Variants in MTMR11 observed in about 807,000 individuals in gnomAD.
MTMR11 encodes the protein myotubularin related protein 11.
A neutral mutation model predicts 100.0 loss-of-function variants in MTMR11; 89 were observed. The observed-to-expected ratio is 0.89, with a 90% CI of 0.75 to 1.06. MTMR11 has a LOEUF of 1.06. MTMR11 is among the 50% of genes least tolerant of loss of function. The pLI is 0.00. For synonymous variants in MTMR11, 336 were observed against 326.3 expected (o/e 1.03, Z -0.32); for missense variants, 809 against 873.7 (o/e 0.93, Z 0.93).
chr1:149,934,096 GA>G, intron 7 of MTMR11, 94 bp downstream of exon 7: 1 of 1,587,252 alleles, frequency 6.3e-7, no homozygotes, highest in Non-Finnish European at 8.6e-7. Context: ...GGTGTCCTAG[GA>G]GGCTGGAGTT....
At position 149,935,115 on chromosome 1, in the gene MTMR11, G is replaced by C; in HGVS notation, c.339C>G (p.Ser113=). The change falls in exon 5 of 17, where the codon TCC becomes TCG. Residue 113 remains serine, a synonymous_variant. Transcript: ENST00000439741. The part of the protein sequence containing the change: ...IGRLEAVSGL[S]RVQLLRPGSL... ...ACCCTGGACGGAGGAGCTGGACTCG[G>C]GACAAGCCGCTCACTGAAGTCAAGA... 1 of 1,614,112 alleles carries C rather than the reference G, an allele frequency of 6.2e-7. No homozygotes were observed. The highest frequency in any genetic ancestry group is 8.5e-7 in the Non-Finnish European group (1 of 1,180,004).
rs587680575 is a variant in MTMR11, at chr1:149,936,660, A to T, written c.-13T>A. The T allele has an allele frequency of 6.6e-7, 1 of 1,526,064 alleles. No individual in the cohort carries two copies. The highest frequency in any genetic ancestry group is 2.5e-5 in the East Asian group (1 of 40,716). The allele number at this position is 1,526,064 out of a possible 1,614,324, so 94.5% of individuals were successfully genotyped here. A position where few individuals can be genotyped will look rare whatever the true frequency, so the allele number is the denominator to read the frequency against. On this transcript the variant is annotated 5_prime_UTR_variant, in exon 1 of 17. An upstream start codon of the reference 5' UTR is lost. Transcript: ENST00000439741. ...CCCCCCACCACATTTCTCTGGCTCCATCCGGGGACACAGCAGTTAAGGGTG... is the reference window on the plus strand; with the variant it reads ...CCCCCCACCACATTTCTCTGGCTCCTTCCGGGGACACAGCAGTTAAGGGTG...
Position 149,936,704 on chromosome 1 carries a change from C to T in MTMR11, c.-57G>A. 2 of 1,186,178 alleles carry T rather than the reference C, an allele frequency of 1.7e-6. No homozygotes were observed. Among genetic ancestry groups the T allele is most frequent in the South Asian group, 2.6e-5 (2 of 76,990 alleles). The allele number at this position is 1,186,178 out of a possible 1,614,324, so 73.5% of individuals were successfully genotyped here. ...AAGGGTGGGAAACCTCAAGGATGCT[C>T]ACCCACCTCGGGGAGAGGCTGAGTC... is the stretch of plus-strand genomic sequence containing the variant. On this transcript the variant is annotated 5_prime_UTR_variant, in exon 1 of 17. Coordinates refer to ENST00000439741, the MANE Select transcript of MTMR11 (RefSeq NM_001145862.2).
At position 149,929,713 on chromosome 1, in the gene MTMR11, A is replaced by G. The variant is rs1486577949; in HGVS notation, c.1851T>C (p.Pro617=). The G allele has an allele frequency of 2.5e-6, 4 of 1,614,030 alleles. No individual in the cohort carries two copies. Among genetic ancestry groups the G allele is most frequent in the Non-Finnish European group, 3.4e-6 (4 of 1,180,020 alleles). Residue 617 remains proline (P), a synonymous_variant, in exon 16 of 17, where the codon CCT becomes CCC. Transcript: ENST00000439741. The stretch of plus-strand genomic sequence containing the variant: ...CAGGCAGCAGCAGCCCTGGAGGTAA[A>G]GGGCAAGCTCCCCAATGTGAGGGGA... ...WGLPSHWGAC[P]LPPGLLLPGY...
chr1:149,936,670 A>G lies in MTMR11; in HGVS notation c.-23T>C. 3 of 1,506,104 alleles carry G rather than the reference A, an allele frequency of 2.0e-6. No homozygotes were observed. The highest frequency in any genetic ancestry group is 2.7e-6 in the Non-Finnish European group (3 of 1,105,676). The allele number at this position is 1,506,104 out of a possible 1,614,324, so 93.3% of individuals were successfully genotyped here. A position where few individuals can be genotyped will look rare whatever the true frequency, so the allele number is the denominator to read the frequency against. ...CATTTCTCTGGCTCCATCCGGGGAC[A>G]CAGCAGTTAAGGGTGGGAAACCTCA... On this transcript the variant is annotated 5_prime_UTR_variant, in exon 1 of 17. Coordinates refer to ENST00000439741, the MANE Select transcript of MTMR11 (RefSeq NM_001145862.2).
At position 149,931,054 on chromosome 1, in the gene MTMR11, TA is replaced by T. The variant is rs1400398749; in HGVS notation, c.1291-90del. 3 of 1,390,802 alleles carry T rather than the reference TA, an allele frequency of 2.2e-6. No homozygotes were observed. The African/African-American group carries it at 4.4e-5, about 20-fold the overall frequency. The allele number at this position is 1,390,802 out of a possible 1,614,324, so 86.2% of individuals were successfully genotyped here. On this transcript the variant is annotated intron_variant, in intron 13 of 16. Transcript: ENST00000439741. ...ATAAGGGAATGGGGAACACAGGGAA[TA>T]GGGGGAACTTATGGAAGTCAGGGAA... is the stretch of plus-strand genomic sequence containing the variant.
At position 149,929,928 on chromosome 1, in the gene MTMR11, A is replaced by G; in HGVS notation, c.1648-12T>C. ...ACCATGAAGCTTGGCTAAAAGGAAA[A>G]GAAAATCAACTGGCAACAGAGAGAC... On this transcript the variant is annotated splice_polypyrimidine_tract_variant and intron_variant, in intron 15 of 16. Transcript: ENST00000439741. 6.2e-7 allele frequency: 1 copy of G among 1,603,048 alleles called. No homozygotes were observed. Among genetic ancestry groups the G allele is most frequent in the Non-Finnish European group, 8.5e-7 (1 of 1,173,818 alleles).
In MTMR11 at chr1:149,931,961, C is replaced by G. The variant is rs145612932; in HGVS notation, c.1106G>C (p.Arg369Pro). 6.2e-7 allele frequency: 1 copy of G among 1,613,610 alleles called. No homozygotes were observed. Among genetic ancestry groups the G allele is most frequent in the East Asian group, 2.2e-5 (1 of 44,870 alleles). Reference protein sequence around the residue: ...DISVLVTSRVRSVILQERGDR... With the variant: ...DISVLVTSRVPSVILQERGDR... The stretch of plus-strand genomic sequence containing the variant: ...GAACTCACCTTGAAGTATTACAGAA[C>G]GAACCCTGGATGTCACTAATACTGA... Residue 369 changes from arginine (R) to proline (P), a missense_variant, in exon 12 of 17, where the codon CGT becomes CCT. Physicochemically the swap from Arg to Pro is moderately radical, Grantham distance 103. Transcript: ENST00000439741.
rs782543845 is a variant in MTMR11 at position 149,936,243 on chromosome 1, G to T, written c.67-14C>A. 6.2e-6 allele frequency: 10 copies of T among 1,612,576 alleles called. No individual in the cohort carries two copies. In the South Asian group the frequency reaches 1.1e-4, roughly 18 times the overall value. On this transcript the variant is annotated splice_polypyrimidine_tract_variant and intron_variant, in intron 1 of 16. Coordinates refer to ENST00000439741, the MANE Select transcript of MTMR11 (RefSeq NM_001145862.2). The stretch of plus-strand genomic sequence containing the variant: ...TTCCTGGACAGACTTTGGTCCAGAG[G>T]GTTGAGGGGGGTCTAGAGTTAACCC...
intron 12 of MTMR11, 131 bp downstream of exon 12, chr1:149,931,813 G>A: frequency 1.3e-6 from 1 of 773,770 alleles, no homozygotes; most frequent in Non-Finnish European, 2.2e-6. Flanking sequence ...AAGGATGAGA[G>A]TAGAGCTCGC....
At position 149,930,532 on chromosome 1, in the gene MTMR11, G is replaced by A. The variant is rs782116339; in HGVS notation, c.1480C>T (p.Gln494Ter). ...KQSGQLNSYT[Q>*]VYTPGYSQPP... ...TGGGAGTATCCTGGGGTGTAGACTT[G>A]TGTATAGGAGTTTAACTGGACAGAG... Residue 494 changes from glutamine to a stop codon, truncating the protein, a stop_gained, in exon 15 of 17, where the codon CAA becomes TAA. Coordinates refer to ENST00000439741, the MANE Select transcript of MTMR11 (RefSeq NM_001145862.2). LOFTEE classifies it high-confidence loss of function. 1.9e-6 allele frequency: 3 copies of A among 1,612,508 alleles called. No individual in the cohort carries two copies. The highest frequency in any genetic ancestry group is 2.2e-5 in the South Asian group (2 of 90,970).
chr1:149,935,273 C>T (rs781839994), intron 4 of MTMR11, 26 bp downstream of exon 4: 1 of 1,609,988 alleles, frequency 6.2e-7, no homozygotes, highest in Non-Finnish European at 8.5e-7. Context: ...CAGTGAACCC[C>T]TTCACCAAAC....
intron 5 of MTMR11, 89 bp from the exon 6 acceptor site, chr1:149,934,615 T>C: frequency 7.4e-7 from 1 of 1,348,620 alleles, no homozygotes; most frequent in Non-Finnish European, 1.0e-6. Flanking sequence ...CCACTCTCTT[T>C]GCCAAGAATG....
In MTMR11 at chr1:149,935,620, C is replaced by T; in HGVS notation, c.228G>A (p.Arg76=). 6.2e-7 allele frequency: 1 copy of T among 1,614,070 alleles called. No individual in the cohort carries two copies. The highest frequency in any genetic ancestry group is 8.5e-7 in the Non-Finnish European group (1 of 1,179,986). The change falls in exon 3 of 17, where the codon AGG becomes AGA. Residue 76 remains arginine, a synonymous_variant. Coordinates refer to ENST00000439741, the MANE Select transcript of MTMR11 (RefSeq NM_001145862.2). ...LSGTLICTNF[R]VTFQPCGWQW... ...GCCATCCACAGGGCTGGAAGGTGAC[C>T]CTAAAGTTGGTACAGATCAGGGTTC...
In MTMR11 at chr1:149,930,947, AGAG is replaced by A. The variant is rs782094870; in HGVS notation, c.1306_1308del (p.Leu436del). 1 of 1,605,584 alleles carries A rather than the reference AGAG, an allele frequency of 6.2e-7. No homozygotes were observed. The highest frequency in any genetic ancestry group is 8.5e-7 in the Non-Finnish European group (1 of 1,177,552). On this transcript the variant is annotated inframe_deletion, in exon 14 of 17. Transcript: ENST00000439741. ...AGGAGCTGCCAGACACAATCAAGGA[AGAG>A]GAGAAACACCGGAGCCTGAAAAGAA...
chr1:149,930,723 C>A, intron 14 of MTMR11, 69 bp downstream of exon 14: 1 of 1,478,008 alleles, frequency 6.8e-7, no homozygotes, highest in Non-Finnish European at 9.1e-7. Flanking sequence ...TAAAACAAAT[C>A]AAGACCAAAC....
Position 149,936,708 on chromosome 1 carries a change from C to T in MTMR11, c.-61G>A, listed in dbSNP as rs1031959917. The T allele has an allele frequency of 8.8e-7, 1 of 1,135,120 alleles. No homozygotes were observed. The highest frequency in any genetic ancestry group is 1.3e-6 in the Non-Finnish European group (1 of 767,700). 70.3% of individuals were successfully genotyped at this position (1,135,120 alleles called of 1,614,324 possible). A position where few individuals can be genotyped will look rare whatever the true frequency, so the allele number is the denominator to read the frequency against. The stretch of plus-strand genomic sequence containing the variant: ...GTGGGAAACCTCAAGGATGCTCACC[C>T]ACCTCGGGGAGAGGCTGAGTCTTGT... On this transcript the variant is annotated 5_prime_UTR_variant, in exon 1 of 17. The change creates a premature stop within an existing upstream ORF in the 5' untranslated region. Coordinates refer to ENST00000439741, the MANE Select transcript of MTMR11 (RefSeq NM_001145862.2).
chr1:149,930,960 C>T lies in MTMR11; in HGVS notation c.1296G>A (p.Pro432=), dbSNP rs116309859. ...CACAATCAAGGAAGAGGAGAAACAC[C>T]GGAGCCTGAAAAGAAATTAAGAGGT... ...LGGTGASEEA[P]VFLLFLDCVW... The change falls in exon 14 of 17, where the codon CCG becomes CCA. Residue 432 remains proline (P), a synonymous_variant. Transcript: ENST00000439741. The T allele has an allele frequency of 9.6e-5, 153 of 1,595,790 alleles. No homozygotes were observed. The African/African-American group carries it at 1.7e-3, about 18-fold the overall frequency.
At chr1:149,930,736 C>A in intron 14 of MTMR11, 56 bp downstream of exon 14, 1 of 1,496,068 alleles carries the variant, frequency 6.7e-7, no homozygotes, top group South Asian at 1.4e-5. Context: ...GACCAAACTT[C>A]AGAGAGTACA....
Sources: gnomAD v4.1 joint callset for allele counts on GRCh38, gnomAD v4.1.1 for gene constraint, MANE v1.5 for transcripts, NCBI Gene and HGNC (gene_info 2026-07-23, HGNC 2026-07-21) for gene names.